Variants in CERS6 observed in about 807,000 individuals in gnomAD.
CERS6 encodes the protein LAG1 homolog, ceramide synthase 6.
Under a neutral mutation model 56.8 loss-of-function variants are expected in CERS6, and 26 were observed. That is an observed-to-expected ratio of 0.46 (90% CI 0.34 to 0.63). The LOEUF is 0.63. CERS6 is among the 30% of genes least tolerant of loss of function. The probability of loss-of-function intolerance (pLI) is 0.01; values close to 1 mark genes in which losing one functional copy is unlikely to be tolerated. For missense variants in CERS6, 415 were observed against 467.5 expected (o/e 0.89, Z 1.04); for synonymous variants, 164 against 173.3 (o/e 0.95, Z 0.42).
intron 1 of CERS6, among the ~76,000 whole-genome samples, chr2:168,512,728 C>T (rs1694811251): frequency 6.6e-6 from 1 of 150,590 alleles, no homozygotes; most frequent in African/African-American, 2.5e-5. Flanking sequence ...AGTGCAATGG[C>T]ATGATCTTGG....
At chr2:168,663,321 T>A (rs1010668668) in intron 4 of CERS6, among the ~76,000 whole-genome samples, 14 of 152,238 alleles carry the variant, frequency 9.2e-5, no homozygotes, top group African/African-American at 3.4e-4. Context: ...ATTATAAATT[T>A]AAAATACACA....
intron 1 of CERS6, among the ~76,000 whole-genome samples, chr2:168,539,305 C>T (rs541970879): frequency 4.6e-5 from 7 of 152,154 alleles, no homozygotes; most frequent in Non-Finnish European, 5.9e-5. Context: ...TATGATTGAT[C>T]GGATCTAAAT....
At chr2:168,704,222 A>G (rs1686875610) in intron 6 of CERS6, among the ~76,000 whole-genome samples, 1 of 152,144 alleles carries the variant, frequency 6.6e-6, no homozygotes, top group African/African-American at 2.4e-5. Context: ...TTCAGGGTGC[A>G]GAAGAGTGAC....
rs1396830451 is a variant in CERS6, at chr2:168,771,723, A to T, written c.*2061A>T. 1 of 152,222 alleles carries T rather than the reference A, an allele frequency of 6.6e-6. No individual in the cohort carries two copies. The highest frequency in any genetic ancestry group is 2.4e-5 in the African/African-American group (1 of 41,464). The allele number at this position is 152,222 out of a possible 1,614,324, so 9.4% of individuals were successfully genotyped here. ...TGGCTAAAATTAACTTTAGAGATCC[A>T]TGTGTTCAGGTTTAGATCATATGAC... On this transcript the variant is annotated 3_prime_UTR_variant, in exon 10 of 10. Coordinates refer to ENST00000305747, the MANE Select transcript of CERS6 (RefSeq NM_203463.3).
rs758577445 is a variant in CERS6, at chr2:168,715,112, G to C, written c.721G>C (p.Ala241Pro). Reference sequence around the variant, plus strand: ...GCTGGTCCTTTGTCTTCATGATTCAGCTGATGCTCTTCTGGAGGTAAAAGT... The same window carrying C: ...GCTGGTCCTTTGTCTTCATGATTCACCTGATGCTCTTCTGGAGGTAAAAGT... ...GTLVLCLHDS[A>P]DALLEAAKMA... The change falls in exon 7 of 10, where the codon GCT (alanine) becomes CCT (proline). Residue 241 changes from alanine (A) to proline (P), a missense_variant. By Grantham distance (27) the Ala-to-Pro change is conservative. Coordinates refer to ENST00000305747, the MANE Select transcript of CERS6 (RefSeq NM_203463.3). 6.8e-6 allele frequency: 11 copies of C among 1,610,814 alleles called. No individual in the cohort carries two copies. Among genetic ancestry groups the C allele is most frequent in the Non-Finnish European group, 9.3e-6 (11 of 1,178,730 alleles).
intron 6 of CERS6, among the ~76,000 whole-genome samples, chr2:168,701,523 A>G (rs1242300539): frequency 6.6e-6 from 1 of 152,214 alleles, no homozygotes; most frequent in African/African-American, 2.4e-5. Flanking sequence ...TACTAATAGT[A>G]GTCATTGTAC....
intron 3 of CERS6, among the ~76,000 whole-genome samples, chr2:168,594,756 A>G (rs1683757083): frequency 6.6e-6 from 1 of 152,056 alleles, no homozygotes; most frequent in Admixed American, 6.6e-5. Flanking sequence ...TCTCACGTGA[A>G]TCTCTCCAGA....
chr2:168,599,077 G>A (rs1683871900), intron 3 of CERS6, among the ~76,000 whole-genome samples: 1 of 152,152 alleles, frequency 6.6e-6, no homozygotes, highest in Non-Finnish European at 1.5e-5. Flanking sequence ...GTAGGCTAGG[G>A]CATTAGAGGC....
chr2:168,507,954 T>C (rs1234541741), intron 1 of CERS6, among the ~76,000 whole-genome samples: 2 of 152,186 alleles, frequency 1.3e-5, no homozygotes, highest in Admixed American at 1.3e-4. Context: ...ATTTAACACA[T>C]ACATTAAAAA....
At chr2:168,748,836 G>GT (rs1449084001) in intron 8 of CERS6, among the ~76,000 whole-genome samples, 2 of 137,734 alleles carry the variant, frequency 1.5e-5, no homozygotes, top group East Asian at 5.2e-4. Flanking sequence ...GGGGGTGGGG[G>GT]GGGGGCAGGT....
intron 1 of CERS6, among the ~76,000 whole-genome samples, chr2:168,515,227 A>G (rs13426726): frequency 0.026 from 3,977 of 152,286 alleles, 154 homozygotes; most frequent in African/African-American, 0.09. Flanking sequence ...CCACAATTTA[A>G]TCATTAAGAA....
intron 1 of CERS6, among the ~76,000 whole-genome samples, chr2:168,485,474 C>T (rs1574014657): frequency 6.6e-6 from 1 of 152,198 alleles, no homozygotes; most frequent in Non-Finnish European, 1.5e-5. Context: ...GCCCTAAAAA[C>T]CTTCTGTTCT....
intron 1 of CERS6, among the ~76,000 whole-genome samples, chr2:168,536,753 C>G (rs59035704): frequency 0.13 from 19,239 of 152,004 alleles, 1,614 homozygotes; most frequent in South Asian, 0.3. Context: ...AAAGAAAGAT[C>G]TGGTAGCATG....
intron 4 of CERS6, among the ~76,000 whole-genome samples, chr2:168,646,793 G>A (rs997987075): frequency 5.3e-5 from 8 of 152,156 alleles, no homozygotes; most frequent in African/African-American, 1.9e-4. Context: ...TTATTGAATA[G>A]GGAGTCTTTT....
intron 4 of CERS6, among the ~76,000 whole-genome samples, chr2:168,641,725 C>T (rs1387194208): frequency 9.9e-5 from 15 of 152,076 alleles, no homozygotes; most frequent in Admixed American, 1.3e-4. Flanking sequence ...TATTACCATA[C>T]GGTATAATTC....
At chr2:168,630,898 T>G in intron 3 of CERS6, 87 bp from the exon 4 acceptor site, 1 of 575,406 alleles carries the variant, frequency 1.7e-6, no homozygotes, top group Non-Finnish European at 3.0e-6. Flanking sequence ...TTTAATTTAA[T>G]GAACTCTTTT....
At chr2:168,559,754 T>TATATATATATA (rs56014027) in intron 2 of CERS6, among the ~76,000 whole-genome samples, 22 of 123,884 alleles carry the variant, frequency 1.8e-4, no homozygotes, top group South Asian at 2.8e-4. Context: ...TATATATATA[T>TATATATATATA]TTCACCCTTA....
At chr2:168,586,788 A>G (rs534499828) in intron 3 of CERS6, among the ~76,000 whole-genome samples, 13 of 152,340 alleles carry the variant, frequency 8.5e-5, no homozygotes, top group African/African-American at 2.4e-4. Flanking sequence ...AGAATGTTAC[A>G]TATTTCAGAG....
intron 9 of CERS6, chr2:168,766,493 A>C: frequency 1.4e-6 from 1 of 730,690 alleles, no homozygotes; most frequent in Non-Finnish European, 2.4e-6. Flanking sequence ...AGCTCTGTGA[A>C]CTGCAAGAGA....
Sources: gnomAD v4.1 joint callset for allele counts (sites outside exome capture counted in the v4.1 genomes callset) on GRCh38, gnomAD v4.1.1 for gene constraint, MANE v1.5 for transcripts, NCBI Gene and HGNC (gene_info 2026-07-23, HGNC 2026-07-21) for gene names.